TUSC3: variants seen among roughly 807,000 people sequenced by gnomAD.
TUSC3 encodes tumor suppressor candidate 3.
In TUSC3, 45 loss-of-function variants were observed where a neutral mutation model predicts 44.8. The ratio of observed to expected loss-of-function variants is 1.00; its 90% CI spans 0.79 to 1.29. The LOEUF (loss-of-function observed/expected upper bound fraction) is 1.29. TUSC3 is among the 50% of genes most tolerant of loss of function. TUSC3 has a pLI of 0.00. For missense variants in TUSC3, 519 were observed against 437.9 expected, an observed-to-expected ratio of 1.19 and a Z score of -1.65; for synonymous variants, 212 against 152.9, an observed-to-expected ratio of 1.39 and a Z score of -2.85.
At chr8:15,649,435 T>A (rs1017959870) in intron 2 of TUSC3, among the ~76,000 whole-genome samples, 1 of 151,796 alleles carries the variant, frequency 6.6e-6, no homozygotes, top group Non-Finnish European at 1.5e-5. Flanking sequence ...ATAGAAAAAA[T>A]TAGCCGGGCT....
At chr8:15,582,715 C>G (rs1259664330) in intron 1 of TUSC3, among the ~76,000 whole-genome samples, 3 of 152,316 alleles carry the variant, frequency 2.0e-5, no homozygotes, top group African/African-American at 7.2e-5. Context: ...CTGAAACTGC[C>G]TGGTGTAACC....
the TUSC3 span, among the ~76,000 whole-genome samples, chr8:15,840,348 C>T: frequency 6.6e-6 from 1 of 152,062 alleles, no homozygotes; most frequent in Non-Finnish European, 1.5e-5. Flanking sequence ...GCACGTTGTA[C>T]ACATGTACCC....
intron 2 of TUSC3, among the ~76,000 whole-genome samples, chr8:15,526,539 G>A (rs1801375221): frequency 6.6e-6 from 1 of 152,184 alleles, no homozygotes. Context: ...TTCTCCTGGT[G>A]GTGAATAAGT....
At chr8:15,784,887 A>G in the TUSC3 span, among the ~76,000 whole-genome samples, 1 of 151,914 alleles carries the variant, frequency 6.6e-6, no homozygotes, top group Non-Finnish European at 1.5e-5. Flanking sequence ...AAAATTTGCT[A>G]AAAGAGTAGA....
At chr8:15,657,934 A>G (rs776264465) in intron 3 of TUSC3, among the ~76,000 whole-genome samples, 5 of 152,186 alleles carry the variant, frequency 3.3e-5, no homozygotes, top group East Asian at 3.9e-4. Context: ...TTCTTGCTGC[A>G]TCATCACATG....
At chr8:15,710,811 G>T (rs1364350096) in intron 6 of TUSC3, among the ~76,000 whole-genome samples, 1 of 147,480 alleles carries the variant, frequency 6.8e-6, no homozygotes, top group East Asian at 2.0e-4. Context: ...ATATATATTT[G>T]CATGAAGTGA....
chr8:15,710,480 G>T (rs1809795961), intron 6 of TUSC3, among the ~76,000 whole-genome samples: 1 of 151,376 alleles, frequency 6.6e-6, no homozygotes, highest in African/African-American at 2.4e-5. Context: ...TAATCAATCT[G>T]CAGTTTAAAA....
At chr8:15,586,408 A>G (rs1047787112) in intron 1 of TUSC3, among the ~76,000 whole-genome samples, 2 of 152,274 alleles carry the variant, frequency 1.3e-5, no homozygotes, top group Middle Eastern at 3.4e-3. Context: ...TGGAGAGACC[A>G]CTTTGCTTTT....
chr8:15,782,729 A>AT, the TUSC3 span, among the ~76,000 whole-genome samples: 1 of 152,188 alleles, frequency 6.6e-6, no homozygotes, highest in Non-Finnish European at 1.5e-5. Flanking sequence ...TACAGAAAGA[A>AT]TGTTCCTCAA....
chr8:15,847,331 G>C, the TUSC3 span, among the ~76,000 whole-genome samples: 1 of 152,116 alleles, frequency 6.6e-6, no homozygotes, highest in Non-Finnish European at 1.5e-5. Context: ...ATTGCTTTTG[G>C]TCTCCTAGAC....
intron 1 of TUSC3, among the ~76,000 whole-genome samples, chr8:15,568,605 CTT>C (rs113701042): frequency 1.0e-4 from 14 of 140,686 alleles, no homozygotes; most frequent in Admixed American, 1.4e-4. Context: ...TACACAAATT[CTT>C]TTTTTTTTTT....
intron 2 of TUSC3, among the ~76,000 whole-genome samples, chr8:15,625,779 T>C (rs1015017469): frequency 1.2e-4 from 18 of 152,202 alleles, no homozygotes; most frequent in African/African-American, 3.6e-4. Flanking sequence ...AAGCATCTTA[T>C]CACAACCTAA....
At position 15,530,021 on chromosome 8, in the gene TUSC3, G is replaced by A. The variant is rs543057949; in HGVS notation, n.189+46538G>A. ...AGGATGGTCTCGATCTCCTGACCTC[G>A]TGATCCACCCGCCTCGGCCTCCCAA... On this transcript the variant is annotated intron_variant and non_coding_transcript_variant, in intron 2 of 5. Coordinates refer to the TUSC3 transcript ENST00000503191. Among the ~76,000 whole-genome samples, 138 of 130,478 alleles carry A rather than the reference G, an allele frequency of 1.1e-3. 2 individuals are homozygous for A. The South Asian group carries it at 0.013, about 12-fold the overall frequency. 85.6% of individuals were successfully genotyped at this position (130,478 alleles called of 152,430 possible).
chr8:15,771,373 A>G (rs183345743), downstream of TUSC3, among the ~76,000 whole-genome samples: 8 of 152,348 alleles, frequency 5.3e-5, no homozygotes, highest in South Asian at 2.1e-4. Context: ...GATCCTGAAT[A>G]GCCAAAGGAT....
chr8:15,598,568 G>T (rs930635464), intron 1 of TUSC3, among the ~76,000 whole-genome samples: 1 of 76,122 alleles, frequency 1.3e-5, no homozygotes, highest in Non-Finnish European at 2.9e-5. Flanking sequence ...TCATTATAAT[G>T]GATAATGCCC....
At chr8:15,839,381 AC>A in the TUSC3 span, among the ~76,000 whole-genome samples, 1 of 152,096 alleles carries the variant, frequency 6.6e-6, no homozygotes, top group African/African-American at 2.4e-5. Context: ...CCTGGCCAGA[AC>A]TCCAACACTA....
At chr8:15,541,926 A>T (rs1016724775) in intron 1 of TUSC3, among the ~76,000 whole-genome samples, 1 of 151,710 alleles carries the variant, frequency 6.6e-6, no homozygotes, top group African/African-American at 2.4e-5. Flanking sequence ...ATCTCCTAGG[A>T]CGATCCCTAG....
chr8:15,429,446 A>G (rs370939741), intron 1 of TUSC3, among the ~76,000 whole-genome samples: 15,486 of 141,866 alleles, frequency 0.11, 1,121 homozygotes, highest in Middle Eastern at 0.16. Context: ...TTGACTTGGC[A>G]ATGCGGGCTC....
chr8:15,458,809 C>G (rs540553634), intron 1 of TUSC3, among the ~76,000 whole-genome samples: 1 of 152,166 alleles, frequency 6.6e-6, no homozygotes, highest in Non-Finnish European at 1.5e-5. Flanking sequence ...TTTGCAAGGA[C>G]AAAAGGCCAG....
Sources: gnomAD v4.1 joint callset for allele counts (sites outside exome capture counted in the v4.1 genomes callset) on GRCh38, gnomAD v4.1.1 for gene constraint, MANE v1.5 for transcripts, NCBI Gene and HGNC (gene_info 2026-07-23, HGNC 2026-07-21) for gene names.